The following VWA5B2 variants were observed in gnomAD, a reference collection of about 807,000 sequenced individuals.
VWA5B2 encodes von Willebrand factor A domain containing 5B2.
Under a neutral mutation model 118.5 loss-of-function variants are expected in VWA5B2, and 93 were observed. The observed-to-expected ratio is 0.79, with a 90% CI of 0.66 to 0.93. The LOEUF (loss-of-function observed/expected upper bound fraction) is 0.93. VWA5B2 is among the 40% of genes least tolerant of loss of function. The probability of loss-of-function intolerance (pLI) is 0.00; values close to 1 mark genes in which losing one functional copy is unlikely to be tolerated. For missense variants in VWA5B2, 1,546 were observed against 1,672.8 expected, an observed-to-expected ratio of 0.92 and a Z score of 1.32; for synonymous variants, 708 against 716.3, an observed-to-expected ratio of 0.99 and a Z score of 0.19.
Position 184,237,106 on chromosome 3 carries a change from T to C in VWA5B2, c.1534-120T>C. On this transcript the variant is annotated intron_variant, in intron 11 of 19. Coordinates refer to ENST00000691901, the MANE Select transcript of VWA5B2 (RefSeq NM_001390846.1). The surrounding 1 kb of genome is among the most constrained non-coding windows in gnomAD (Gnocchi z 5.6). ...CCTTCTCCTGACCCCAGCCTGGCCCTGTGCCCCATCAGCTTAGGGGCTGGG... is the reference window on the plus strand; with the variant it reads ...CCTTCTCCTGACCCCAGCCTGGCCCCGTGCCCCATCAGCTTAGGGGCTGGG... 8.8e-7 allele frequency: 1 copy of C among 1,134,662 alleles called. No individual in the cohort carries two copies. Among genetic ancestry groups the C allele is most frequent in the Non-Finnish European group, 1.2e-6 (1 of 804,350 alleles). The allele number at this position is 1,134,662 out of a possible 1,614,324, so 70.3% of individuals were successfully genotyped here.
At chr3:184,231,858 G>T (rs1422137962) in intron 3 of VWA5B2, among the ~76,000 whole-genome samples, 1 of 152,236 alleles carries the variant, frequency 6.6e-6, no homozygotes, top group Non-Finnish European at 1.5e-5. Flanking sequence ...AGCCCAGCAC[G>T]TTAGGGGCTT....
Position 184,230,762 on chromosome 3 carries a change from C to A in VWA5B2, c.155C>A (p.Pro52Gln). Residue 52 changes from proline to glutamine, a missense_variant, in exon 3 of 20, where the codon CCG becomes CAG. Physicochemically the swap from Pro to Gln is moderately conservative, Grantham distance 76 (BLOSUM62 -1). This residue lies in a region of VWA5B2 where 775 missense variants were observed against 882.3 expected (regional missense o/e 0.88). Transcript: ENST00000691901. The part of the protein sequence containing the change: ...PQPVDGVFVY[P>Q]LAEAEVVSGF... ...CCCTCCCCAGGCGTGTTCGTGTACC[C>A]GCTGGCCGAGGCCGAGGTGGTGTCC... The A allele has an allele frequency of 8.2e-7, 1 of 1,226,594 alleles. No homozygotes were observed. The highest frequency in any genetic ancestry group is 1.0e-6 in the Non-Finnish European group (1 of 985,214). The allele number at this position is 1,226,594 out of a possible 1,614,324, so 76.0% of individuals were successfully genotyped here. A position where few individuals can be genotyped will look rare whatever the true frequency, so the allele number is the denominator to read the frequency against.
At chr3:184,235,488 G>A (rs896148499) in intron 8 of VWA5B2, among the ~76,000 whole-genome samples, 180 bp downstream of exon 8, 16 of 152,126 alleles carry the variant, frequency 1.1e-4, no homozygotes, top group African/African-American at 2.9e-4. Context: ...TGCTCCAACC[G>A]CCAAACAGAC....
rs756576657 is a variant in VWA5B2, at chr3:184,233,498, G to A, written c.531-78G>A. ...GGTACCCAGGGATGGGAAGGGTGAG[G>A]AAGGGCTGGGGCCAGTCAGCCGGAG... is the stretch of plus-strand genomic sequence containing the variant. On this transcript the variant is annotated intron_variant, in intron 4 of 19. Transcript: ENST00000691901. This position sits in a 1 kb window ranked among gnomAD's most constrained non-coding sequence, Gnocchi z 5.2. 2.6e-6 allele frequency: 4 copies of A among 1,513,200 alleles called. No homozygotes were observed. Among genetic ancestry groups the A allele is most frequent in the East Asian group, 4.9e-5 (2 of 40,566 alleles). The allele number at this position is 1,513,200 out of a possible 1,614,324, so 93.7% of individuals were successfully genotyped here. A position where few individuals can be genotyped will look rare whatever the true frequency, so the allele number is the denominator to read the frequency against.
In VWA5B2 at chr3:184,236,449, G is replaced by T; in HGVS notation, c.1319G>T (p.Arg440Met). 6.5e-7 allele frequency: 1 copy of T among 1,546,832 alleles called. No homozygotes were observed. ...LDWAVGQPQHRAYPRQLFLLT... is the reference protein window; with the variant it reads ...LDWAVGQPQHMAYPRQLFLLT... ...TGGGCCGTGGGGCAGCCCCAGCACA[G>T]GGCCTACCCTCGGCAGCTGTTCCTG... Residue 440 changes from arginine to methionine, a missense_variant, in exon 10 of 20, where the codon AGG (arginine) becomes ATG (methionine). Arg to Met is a moderately conservative substitution (Grantham distance 91). Coordinates refer to ENST00000691901, the MANE Select transcript of VWA5B2 (RefSeq NM_001390846.1).
At position 184,241,344 on chromosome 3, in the gene VWA5B2, T is replaced by G; in HGVS notation, c.3120T>G (p.Cys1040Trp). Residue 1040 changes from cysteine to tryptophan, a missense_variant, in exon 19 of 20, where the codon TGT becomes TGG. Cys to Trp is a radical substitution (Grantham distance 215, BLOSUM62 -2). This residue lies in a region of VWA5B2 where 763 missense variants were observed against 766.6 expected (regional missense o/e 1.00). Coordinates refer to ENST00000691901, the MANE Select transcript of VWA5B2 (RefSeq NM_001390846.1). The surrounding 1 kb of genome is among the most constrained non-coding windows in gnomAD (Gnocchi z 5.1). ...GCATGGGCCGCCGTCACAAACTCTG[T>G]AGCCCTGACCCGGGCCAGGCCAACA... ...RLSMGRRHKL[C>W]SPDPGQANNS... 1 of 1,552,456 alleles carries G rather than the reference T, an allele frequency of 6.4e-7. No homozygotes were observed. The highest frequency in any genetic ancestry group is 8.7e-7 in the Non-Finnish European group (1 of 1,147,586).
At position 184,230,570 on chromosome 3, in the gene VWA5B2, G is replaced by A. The variant is rs1717277415; in HGVS notation, c.42G>A (p.Pro14=). 5 of 1,479,398 alleles carry A rather than the reference G, an allele frequency of 3.4e-6. No individual in the cohort carries two copies. The highest frequency in any genetic ancestry group is 2.3e-5 in the Admixed American group (1 of 43,038). 91.6% of individuals were successfully genotyped at this position (1,479,398 alleles called of 1,614,324 possible). A position where few individuals can be genotyped will look rare whatever the true frequency, so the allele number is the denominator to read the frequency against. ...GCCCCTCCAGCTGGACGCCGCTGCCGCTCACGGACTCCTGGGTCCGGGCCT... is the reference window on the plus strand; with the variant it reads ...GCCCCTCCAGCTGGACGCCGCTGCCACTCACGGACTCCTGGGTCCGGGCCT... ...LYCPSSWTPL[P]LTDSWVRACA... is the part of the protein sequence containing the mutation. Residue 14 remains proline (P), a synonymous_variant, in exon 2 of 20, where the codon CCG becomes CCA. Coordinates refer to ENST00000691901, the MANE Select transcript of VWA5B2 (RefSeq NM_001390846.1).
At chr3:184,232,515 G>A (rs1717498506) in intron 3 of VWA5B2, 1 of 152,232 alleles carries the variant, frequency 6.6e-6, no homozygotes, top group Non-Finnish European at 1.5e-5. Flanking sequence ...GTAGGGCTGT[G>A]AACGTGGGCT....
chr3:184,230,026 C>A (rs1426449733), intron 1 of VWA5B2, among the ~76,000 whole-genome samples: 2 of 152,216 alleles, frequency 1.3e-5, no homozygotes, highest in African/African-American at 4.8e-5. Flanking sequence ...CCCCATCCAC[C>A]CTGCCCCCGC....
Position 184,240,902 on chromosome 3 carries a change from C to T in VWA5B2, c.2852C>T (p.Pro951Leu), listed in dbSNP as rs535815101. 21 of 1,551,626 alleles carry T rather than the reference C, an allele frequency of 1.4e-5. No individual in the cohort carries two copies. Among genetic ancestry groups the T allele is most frequent in the Non-Finnish European group, 1.8e-5 (21 of 1,146,974 alleles). ...AVDATTREVL[P>L]GALQVCSSEP... Reference sequence around the variant, plus strand: ...GATGCTACTACTAGGGAGGTCCTGCCTGGGGCCCTGCAGGTGTGCAGCTCA... The same window carrying T: ...GATGCTACTACTAGGGAGGTCCTGCTTGGGGCCCTGCAGGTGTGCAGCTCA... Residue 951 changes from proline (P) to leucine (L), a missense_variant, in exon 17 of 20, where the codon CCT becomes CTT. This residue lies in a region of VWA5B2 where 763 missense variants were observed against 766.6 expected (regional missense o/e 1.00). Transcript: ENST00000691901.
rs564347792 is a variant in VWA5B2, at chr3:184,230,032, C to T, written c.-150+319C>T. Among the ~76,000 whole-genome samples the T allele has an allele frequency of 3.9e-5, 6 of 152,338 alleles. No homozygotes were observed. In the East Asian group the frequency reaches 1.2e-3, roughly 29 times the overall value. Reference sequence around the variant, plus strand: ...CTTTCGGCGCCCCATCCACCCTGCCCCCGCGATCCCTCGCAGGGCCGGGGG... The same window carrying T: ...CTTTCGGCGCCCCATCCACCCTGCCTCCGCGATCCCTCGCAGGGCCGGGGG... On this transcript the variant is annotated intron_variant, in intron 1 of 19. Coordinates refer to ENST00000691901, the MANE Select transcript of VWA5B2 (RefSeq NM_001390846.1).
chr3:184,231,313 G>A (rs1717380269), intron 3 of VWA5B2, among the ~76,000 whole-genome samples: 3 of 152,142 alleles, frequency 2.0e-5, no homozygotes, highest in Non-Finnish European at 2.9e-5. Flanking sequence ...GTAGACTCCT[G>A]TGCCTAGCAG....
At position 184,236,541 on chromosome 3, in the gene VWA5B2, G is replaced by C; in HGVS notation, c.1411G>C (p.Gly471Arg). 1.9e-6 allele frequency: 3 copies of C among 1,550,636 alleles called. No homozygotes were observed. Among genetic ancestry groups the C allele is most frequent in the Non-Finnish European group, 2.6e-6 (3 of 1,146,938 alleles). ...CCTGGAGCTCATGAGGTGGCACAGG[G>C]GGACAGCCAGGTATGGGATGGGCAG... ...RTLELMRWHR[G>R]TARCFSFGLG... Residue 471 changes from glycine to arginine, a missense_variant, in exon 10 of 20, where the codon GGG becomes CGG. Physicochemically the swap from Gly to Arg is moderately radical, Grantham distance 125 (BLOSUM62 -2). Coordinates refer to ENST00000691901, the MANE Select transcript of VWA5B2 (RefSeq NM_001390846.1).
At position 184,230,414 on chromosome 3, in the gene VWA5B2, C is replaced by A; in HGVS notation, c.-115C>A. 3.2e-6 allele frequency: 4 copies of A among 1,238,236 alleles called. No individual in the cohort carries two copies. The highest frequency in any genetic ancestry group is 4.1e-6 in the Non-Finnish European group (4 of 968,354). The allele number at this position is 1,238,236 out of a possible 1,614,324, so 76.7% of individuals were successfully genotyped here. A position where few individuals can be genotyped will look rare whatever the true frequency, so the allele number is the denominator to read the frequency against. On this transcript the variant is annotated 5_prime_UTR_variant, in exon 2 of 20. Coordinates refer to ENST00000691901, the MANE Select transcript of VWA5B2 (RefSeq NM_001390846.1). The stretch of plus-strand genomic sequence containing the variant: ...CTCGGCCTCGCGCCCCGGCAGGCCC[C>A]GTCCGGGTGCTGGAGTGAGACTCTC...
At position 184,233,842 on chromosome 3, in the gene VWA5B2, C is replaced by T; in HGVS notation, c.688+109C>T. 1 of 1,412,128 alleles carries T rather than the reference C, an allele frequency of 7.1e-7. No homozygotes were observed. Among genetic ancestry groups the T allele is most frequent in the Non-Finnish European group, 9.4e-7 (1 of 1,058,764 alleles). 87.5% of individuals were successfully genotyped at this position (1,412,128 alleles called of 1,614,324 possible). On this transcript the variant is annotated intron_variant, in intron 5 of 19. Transcript: ENST00000691901. This position sits in a 1 kb window ranked among gnomAD's most constrained non-coding sequence, Gnocchi z 5.2. ...ATAGGAGGGACACAGGACAAAAAGA[C>T]AGGGACCCCAGCCTCCGGAACATCT...
Position 184,232,339 on chromosome 3 carries a change from AC to A in VWA5B2, c.311-837del, listed in dbSNP as rs1198609795. On this transcript the variant is annotated intron_variant, in intron 3 of 19. Coordinates refer to ENST00000691901, the MANE Select transcript of VWA5B2 (RefSeq NM_001390846.1). The stretch of plus-strand genomic sequence containing the variant: ...CTGCCAAAGGACTCAATTAGAGGTC[AC>A]CGAGCTGATATTTAAAACTTGATGC... Among the ~76,000 whole-genome samples, 4 of 152,312 alleles carry A rather than the reference AC, an allele frequency of 2.6e-5. No homozygotes were observed. In the East Asian group the frequency reaches 7.7e-4, roughly 29 times the overall value.
At position 184,230,883 on chromosome 3, in the gene VWA5B2, G is replaced by C; in HGVS notation, c.276G>C (p.Gly92=). 2 of 1,226,340 alleles carry C rather than the reference G, an allele frequency of 1.6e-6. No individual in the cohort carries two copies. Among genetic ancestry groups the C allele is most frequent in the South Asian group, 7.4e-5 (2 of 27,080 alleles). 76.0% of individuals were successfully genotyped at this position (1,226,340 alleles called of 1,614,324 possible). ...QAACCRALGP[G]LGTPTPRRCA... is the part of the protein sequence containing the mutation. ...CCTGCTGCCGCGCTCTGGGCCCGGG[G>C]CTGGGGACCCCGACGCCCCGCCGCT... Residue 92 remains glycine, a synonymous_variant, in exon 3 of 20, where the codon GGG becomes GGC. Coordinates refer to ENST00000691901, the MANE Select transcript of VWA5B2 (RefSeq NM_001390846.1).
intron 1 of VWA5B2, among the ~76,000 whole-genome samples, chr3:184,230,011 C>T (rs1303522825): frequency 6.6e-6 from 1 of 152,224 alleles, no homozygotes; most frequent in Non-Finnish European, 1.5e-5. Flanking sequence ...AAGGCCCTTT[C>T]GGCGCCCCAT....
rs750887849 is a variant in VWA5B2 at position 184,242,055 on chromosome 3, C to T, written c.*17C>T. The T allele has an allele frequency of 3.7e-5, 57 of 1,546,144 alleles. No individual in the cohort carries two copies. The highest frequency in any genetic ancestry group is 4.7e-5 in the Non-Finnish European group (54 of 1,146,754). ...AACGTGTGAAGGCTGCCCCCTGCTG[C>T]TTGGGCTGGCGCCCCACCCAACACA... On this transcript the variant is annotated 3_prime_UTR_variant, in exon 20 of 20. Coordinates refer to ENST00000691901, the MANE Select transcript of VWA5B2 (RefSeq NM_001390846.1).
Sources: allele counts gnomAD v4.1 joint callset (sites outside exome capture counted in the v4.1 genomes callset), GRCh38; gene constraint gnomAD v4.1.1; regional missense constraint gnomAD v4.1.1; non-coding constraint Gnocchi (gnomAD v3.1); transcripts MANE v1.5; gene names NCBI Gene and HGNC (gene_info 2026-07-23, HGNC 2026-07-21).